Variants in FAM120B observed in about 807,000 individuals in gnomAD.
FAM120B encodes constitutive coactivator of peroxisome proliferator-activated receptor gamma.
A neutral mutation model predicts 96.3 loss-of-function variants in FAM120B; 83 were observed. The ratio of observed to expected loss-of-function variants is 0.86; its 90% confidence interval spans 0.72 to 1.03. FAM120B has a LOEUF of 1.03. Among genes scored for constraint, FAM120B ranks in the 50% least tolerant of loss-of-function variants. FAM120B has a pLI of 0.00. For synonymous variants in FAM120B, 407 were observed against 402.7 expected, an observed-to-expected ratio of 1.01 and a Z score of -0.13; for missense variants, 1,027 against 1,121.2, an observed-to-expected ratio of 0.92 and a Z score of 1.20.
intron 1 of FAM120B, chr6:170,298,521 T>A (rs4995139): frequency 0.33 from 37,509 of 114,300 alleles, 4,761 homozygotes; most frequent in East Asian, 0.4. Flanking sequence ...ATATTTTCTT[T>A]TTTTTTTTTT....
intron 1 of FAM120B, among the ~76,000 whole-genome samples, chr6:170,297,305 G>A (rs989443312): frequency 3.3e-5 from 5 of 152,214 alleles, no homozygotes; most frequent in Non-Finnish European, 4.4e-5. Context: ...CGAACGCGCC[G>A]TGCTTCCCCG....
chr6:170,386,177 T>C (rs1007418657), intron 6 of FAM120B, among the ~76,000 whole-genome samples: 3 of 152,122 alleles, frequency 2.0e-5, no homozygotes, highest in Non-Finnish European at 2.9e-5. Context: ...CCTCCAGGGA[T>C]TGGCGGGTGG....
rs888692225 is a variant in FAM120B, at chr6:170,334,228, T to G, written c.2017+3678T>G. ...ACATCTCATTGGTAATTTGTCTATC[T>G]TGAAGAACCTTTTTAAAGTGGTGTT... is the stretch of plus-strand genomic sequence containing the variant. On this transcript the variant is annotated intron_variant, in intron 4 of 10. Coordinates refer to ENST00000476287, the MANE Select transcript of FAM120B (RefSeq NM_032448.3). 7.9e-5 allele frequency among the ~76,000 whole-genome samples: 12 copies of G among 152,252 alleles called. 1 individual carries two copies. The highest frequency in any genetic ancestry group is 1.5e-5 in the Non-Finnish European group (1 of 68,052).
intron 9 of FAM120B, among the ~76,000 whole-genome samples, chr6:170,398,274 G>C (rs1247920073): frequency 1.3e-5 from 2 of 152,252 alleles, no homozygotes; most frequent in Non-Finnish European, 2.9e-5. Flanking sequence ...TTTATTGAAT[G>C]GTGGGTGAGA....
At chr6:170,376,877 C>A (rs1432514417) in intron 6 of FAM120B, among the ~76,000 whole-genome samples, 2 of 152,184 alleles carry the variant, frequency 1.3e-5, no homozygotes, top group Admixed American at 6.5e-5. Context: ...GTGCCTGTTT[C>A]CGTGTAGAGC....
At chr6:170,352,175 G>A (rs75208090) in intron 5 of FAM120B, among the ~76,000 whole-genome samples, 1 of 152,070 alleles carries the variant, frequency 6.6e-6, no homozygotes, top group Non-Finnish European at 1.5e-5. Flanking sequence ...AACCAACAAA[G>A]ATTTAAAAAA....
chr6:170,353,291 A>G (rs1787695997), intron 5 of FAM120B, among the ~76,000 whole-genome samples: 1 of 152,236 alleles, frequency 6.6e-6, no homozygotes, highest in Admixed American at 6.5e-5. Flanking sequence ...CCAGAACCAG[A>G]TGGATTCACA....
chr6:170,394,017 C>T (rs1268896741), intron 8 of FAM120B, among the ~76,000 whole-genome samples: 3 of 152,334 alleles, frequency 2.0e-5, no homozygotes, highest in Middle Eastern at 3.4e-3. Flanking sequence ...CACAAGTGCT[C>T]ATGCTGGAGG....
chr6:170,398,189 C>T (rs1778303987), intron 9 of FAM120B, among the ~76,000 whole-genome samples: 1 of 152,274 alleles, frequency 6.6e-6, no homozygotes, highest in Admixed American at 6.5e-5. Flanking sequence ...GCACTGAAAC[C>T]TTTCCATCAG....
At chr6:170,291,098 C>G (rs1322361719), upstream of FAM120B, 8 of 697,976 alleles carry the variant, frequency 1.1e-5, no homozygotes, top group East Asian at 1.9e-4. Context: ...AATGTGCAAC[C>G]CTCCTCCCCG....
intron 6 of FAM120B, among the ~76,000 whole-genome samples, chr6:170,362,463 CTG>C (rs1562568567): frequency 1.3e-5 from 2 of 152,138 alleles, no homozygotes; most frequent in Admixed American, 1.3e-4. Context: ...TCCCAGTGTT[CTG>C]TAAGAATCTG....
intron 6 of FAM120B, among the ~76,000 whole-genome samples, chr6:170,361,106 T>A (rs1235979121): frequency 1.3e-5 from 2 of 151,106 alleles, no homozygotes; most frequent in African/African-American, 2.4e-5. Context: ...AAGTCACTGT[T>A]GCTCATAGTG....
At chr6:170,382,683 A>T (rs1789978653) in intron 6 of FAM120B, among the ~76,000 whole-genome samples, 1 of 152,208 alleles carries the variant, frequency 6.6e-6, no homozygotes, top group Non-Finnish European at 1.5e-5. Context: ...TACCGTGTTC[A>T]TGTACTGGAA....
upstream of FAM120B, among the ~76,000 whole-genome samples, chr6:170,294,169 C>G (rs1583161263): frequency 6.6e-6 from 1 of 152,302 alleles, no homozygotes. The surrounding 1 kb of genome is among the most constrained non-coding windows in gnomAD (Gnocchi z 7.9). Context: ...ATAGGCTTGC[C>G]TCAGTGTTGG....
intron 4 of FAM120B, among the ~76,000 whole-genome samples, chr6:170,333,317 T>C (rs564652016): frequency 1.4e-3 from 212 of 152,230 alleles, no homozygotes; most frequent in African/African-American, 4.9e-3. Flanking sequence ...CAATGTGCCA[T>C]CTGTGAACCA....
At chr6:170,402,939 GTAACACAGAAATCAAA>G (rs1211436407) in intron 9 of FAM120B, among the ~76,000 whole-genome samples, 1 of 152,154 alleles carries the variant, frequency 6.6e-6, no homozygotes, top group African/African-American at 2.4e-5. Context: ...GATCATAACA[GTAACACAGAAATCAAA>G]GAGTGGTGAT....
intron 6 of FAM120B, among the ~76,000 whole-genome samples, chr6:170,385,392 G>A (rs570116105): frequency 3.9e-5 from 6 of 152,128 alleles, no homozygotes; most frequent in Non-Finnish European, 8.8e-5. Context: ...GAAAATCAAT[G>A]ATCTAAGTAT....
chr6:170,293,385 A>G (rs1195955930), upstream of FAM120B, among the ~76,000 whole-genome samples: 1 of 152,182 alleles, frequency 6.6e-6, no homozygotes, highest in Middle Eastern at 3.2e-3. Context: ...AACTGGAAAT[A>G]AAAAGTTCCA....
chr6:170,365,442 T>G (rs964290166), intron 6 of FAM120B, among the ~76,000 whole-genome samples: 10 of 152,176 alleles, frequency 6.6e-5, no homozygotes, highest in African/African-American at 2.4e-4. Flanking sequence ...TAAAGTTGTG[T>G]CTTGGACTTC....
Sources: allele counts gnomAD v4.1 joint callset (sites outside exome capture counted in the v4.1 genomes callset), GRCh38; gene constraint gnomAD v4.1.1; non-coding constraint Gnocchi (gnomAD v3.1); transcripts MANE v1.5; gene names NCBI Gene and HGNC (gene_info 2026-07-23, HGNC 2026-07-21).